The following PIGH variants were observed in gnomAD, a reference collection of about 807,000 sequenced individuals.
The protein encoded by PIGH is phosphatidylinositol glycan anchor biosynthesis class H.
Under a neutral mutation model 20.1 loss-of-function variants are expected in PIGH, and 11 were observed. That is an observed-to-expected ratio of 0.55 (90% CI 0.34 to 0.91). The LOEUF (loss-of-function observed/expected upper bound fraction) is 0.91, where lower values mean the gene tolerates loss of function less well. Ranked by LOEUF, PIGH falls within the 40% of genes least tolerant of loss-of-function variation. The pLI is 0.02. For missense variants in PIGH, 189 were observed against 233.6 expected (o/e 0.81, Z 1.24); for synonymous variants, 72 against 93.1 (o/e 0.77, Z 1.31).
intron 1 of PIGH, among the ~76,000 whole-genome samples, chr14:67,598,826 G>C (rs8006614): frequency 0.79 from 118,887 of 151,140 alleles, 46,906 homozygotes; most frequent in Middle Eastern, 0.84. Context: ...TCTCCCGCCT[G>C]AGCCTTCCGA....
At chr14:67,595,180 G>GCCTA (rs2036450700) in intron 1 of PIGH, among the ~76,000 whole-genome samples, 1 of 152,112 alleles carries the variant, frequency 6.6e-6, no homozygotes, top group African/African-American at 2.4e-5. Flanking sequence ...ACTTACATTA[G>GCCTA]CCTACAGTTG....
At chr14:67,590,671 C>T (rs1408782634) in intron 3 of PIGH, among the ~76,000 whole-genome samples, 1 of 152,154 alleles carries the variant, frequency 6.6e-6, no homozygotes, top group Non-Finnish European at 1.5e-5. Flanking sequence ...CATGCAACTT[C>T]AATCTCTCAC....
chr14:67,592,653 T>C lies in PIGH; in HGVS notation c.456A>G (p.Gln152=). 6.3e-7 allele frequency: 1 copy of C among 1,597,642 alleles called. No individual in the cohort carries two copies. The highest frequency in any genetic ancestry group is 8.6e-7 in the Non-Finnish European group (1 of 1,166,466). ...TGCTCACCTGGAAGACGGGTACTAC[T>C]TGGGATATCCCATGTGGTTCCACTG... ...KDPVEPHGIS[Q]VVPVFQSAKP... The change falls in exon 3 of 4, where the codon CAA becomes CAG. Residue 152 remains glutamine, a synonymous_variant. Coordinates refer to ENST00000216452, the MANE Select transcript of PIGH (RefSeq NM_004569.5).
chr14:67,589,881 T>C lies in PIGH; in HGVS notation c.*199A>G. ...TCCTTTGGTAAAGTAGGCAAAACCTTACAAGGAAAACACTATAATACACGG... is the reference window on the plus strand; with the variant it reads ...TCCTTTGGTAAAGTAGGCAAAACCTCACAAGGAAAACACTATAATACACGG... On this transcript the variant is annotated 3_prime_UTR_variant, in exon 4 of 4. Transcript: ENST00000216452. The C allele has an allele frequency of 8.1e-7, 1 of 1,228,228 alleles. No individual in the cohort carries two copies. The highest frequency in any genetic ancestry group is 3.2e-5 in the East Asian group (1 of 30,952). The allele number at this position is 1,228,228 out of a possible 1,614,324, so 76.1% of individuals were successfully genotyped here.
chr14:67,594,659 A>G (rs1045412357), intron 1 of PIGH, among the ~76,000 whole-genome samples: 2 of 151,836 alleles, frequency 1.3e-5, no homozygotes, highest in East Asian at 3.9e-4. Flanking sequence ...AAAAAAAAAA[A>G]GGACCCCAAA....
At chr14:67,591,457 G>A (rs961162523) in intron 3 of PIGH, among the ~76,000 whole-genome samples, 2 of 152,222 alleles carry the variant, frequency 1.3e-5, no homozygotes, top group African/African-American at 2.4e-5. Context: ...AAAGGTCAGT[G>A]AGGCAGGGTT....
intron 2 of PIGH, 114 bp downstream of exon 2, chr14:67,593,629 T>C (rs2036417187): frequency 9.4e-6 from 6 of 637,942 alleles, no homozygotes; most frequent in Non-Finnish European, 1.7e-5. Flanking sequence ...ATAAAGAGAT[T>C]TACCTTTTAA....
At position 67,593,611 on chromosome 14, in the gene PIGH, C is replaced by A. The variant is rs183495739; in HGVS notation, c.390+132G>T. On this transcript the variant is annotated intron_variant, in intron 2 of 3. Transcript: ENST00000216452. Reference sequence around the variant, plus strand: ...CTATCCATGAAAACCTGCTGCATCTCTTTAAAAATAAAGAGATTTACCTTT... The same window carrying A: ...CTATCCATGAAAACCTGCTGCATCTATTTAAAAATAAAGAGATTTACCTTT... 7 of 607,364 alleles carry A rather than the reference C, an allele frequency of 1.2e-5. No individual in the cohort carries two copies. The African/African-American group carries it at 1.3e-4, about 11-fold the overall frequency. The allele number at this position is 607,364 out of a possible 1,614,324, so 37.6% of individuals were successfully genotyped here. A position where few individuals can be genotyped will look rare whatever the true frequency, so the allele number is the denominator to read the frequency against.
intron 1 of PIGH, among the ~76,000 whole-genome samples, chr14:67,596,986 C>T (rs1244356120): frequency 6.6e-6 from 1 of 152,198 alleles, no homozygotes; most frequent in Non-Finnish European, 1.5e-5. Context: ...CTTTGATGGT[C>T]TCTTTCTACT....
intron 1 of PIGH, among the ~76,000 whole-genome samples, chr14:67,594,800 T>C (rs1481771220): frequency 1.3e-5 from 2 of 152,104 alleles, no homozygotes; most frequent in African/African-American, 2.4e-5. Flanking sequence ...AAAAATGCAT[T>C]TAATATACCT....
At position 67,589,455 on chromosome 14, in the gene PIGH, A is replaced by G. The variant is rs545296529; in HGVS notation, c.*625T>C. On this transcript the variant is annotated 3_prime_UTR_variant, in exon 4 of 4. Coordinates refer to ENST00000216452, the MANE Select transcript of PIGH (RefSeq NM_004569.5). ...ATAAAAAAAAATGCTGAGTAACAGA[A>G]AAGTATTAATGTGCTTGACACCATG... The G allele has an allele frequency of 4.1e-6, 4 of 985,422 alleles. No homozygotes were observed. In the East Asian group the frequency reaches 4.5e-4, roughly 112 times the overall value. The allele number at this position is 985,422 out of a possible 1,614,324, so 61.0% of individuals were successfully genotyped here. A position where few individuals can be genotyped will look rare whatever the true frequency, so the allele number is the denominator to read the frequency against.
chr14:67,592,772 T>C (rs1353388088), intron 2 of PIGH, 54 bp from the exon 3 acceptor site: 25 of 1,070,358 alleles, frequency 2.3e-5, no homozygotes, highest in Non-Finnish European at 3.1e-5. Flanking sequence ...TTTTGCATTC[T>C]TTTTTTCTTT....
Position 67,600,170 on chromosome 14 carries a change from C to T in PIGH, c.34G>A (p.Gly12Ser). The change falls in exon 1 of 4, where the codon GGC (glycine) becomes AGC (serine). Residue 12 changes from glycine to serine, a missense_variant. Physicochemically the swap from Gly to Ser is moderately conservative, Grantham distance 56. Coordinates refer to ENST00000216452, the MANE Select transcript of PIGH (RefSeq NM_004569.5). Reference protein sequence around the residue: ...EDERSFSDICGGRLALQRRYY... With the variant: ...EDERSFSDICSGRLALQRRYY... ...CGGCGCTGCAGCGCCAGGCGGCCGC[C>T]GCAGATATCCGAAAAGCTCCGCTCA... 6.3e-7 allele frequency: 1 copy of T among 1,589,442 alleles called. No individual in the cohort carries two copies. The highest frequency in any genetic ancestry group is 1.1e-5 in the South Asian group (1 of 88,034).
At chr14:67,590,215 T>TA (rs1446980285) in intron 3 of PIGH, 43 bp from the exon 4 acceptor site, 2 of 1,504,498 alleles carry the variant, frequency 1.3e-6, no homozygotes, top group African/African-American at 2.8e-5. Flanking sequence ...GGTGAGAATA[T>TA]AAGGGAGTGC....
chr14:67,594,465 G>A (rs1442199560), intron 1 of PIGH, among the ~76,000 whole-genome samples: 1 of 151,838 alleles, frequency 6.6e-6, no homozygotes, highest in Non-Finnish European at 1.5e-5. Flanking sequence ...TGGCCAACAT[G>A]GTGAAACCCC....
intron 2 of PIGH, 158 bp from the exon 3 acceptor site, chr14:67,592,876 C>T (rs538578455): frequency 2.7e-5 from 14 of 522,436 alleles, no homozygotes; most frequent in Admixed American, 1.3e-4. Flanking sequence ...ACCTCTACCT[C>T]CCAGGTTCAA....
In PIGH at chr14:67,597,539, A is replaced by G. The variant is rs1206448082; in HGVS notation, c.180+2485T>C. On this transcript the variant is annotated intron_variant, in intron 1 of 3. Transcript: ENST00000216452. ...AGTTTGCTTATCTCTGTGCTAGATA[A>G]TTATTTGTTGATTGATGAATGGAGG... Among the ~76,000 whole-genome samples, 8 of 152,182 alleles carry G rather than the reference A, an allele frequency of 5.3e-5. 1 individual carries two copies.
In PIGH at chr14:67,589,913, A is replaced by T. The variant is rs2036317418; in HGVS notation, c.*167T>A. The T allele has an allele frequency of 7.7e-7, 1 of 1,292,494 alleles. No individual in the cohort carries two copies. Among genetic ancestry groups the T allele is most frequent in the Non-Finnish European group, 9.8e-7 (1 of 1,019,848 alleles). The allele number at this position is 1,292,494 out of a possible 1,614,324, so 80.1% of individuals were successfully genotyped here. A position where few individuals can be genotyped will look rare whatever the true frequency, so the allele number is the denominator to read the frequency against. On this transcript the variant is annotated 3_prime_UTR_variant, in exon 4 of 4. Transcript: ENST00000216452. ...AAAACACTATAATACACGGAAATAT[A>T]CTGAGTTAGATTTCCAGTCACCTGC...
intron 1 of PIGH, among the ~76,000 whole-genome samples, 198 bp from the exon 2 acceptor site, chr14:67,594,150 A>G (rs945817786): frequency 5.9e-5 from 9 of 152,340 alleles, no homozygotes; most frequent in Admixed American, 2.0e-4. Context: ...AATGTCCATC[A>G]CAGCAATCTC....
Sources: allele counts gnomAD v4.1 joint callset (sites outside exome capture counted in the v4.1 genomes callset), GRCh38; gene constraint gnomAD v4.1.1; transcripts MANE v1.5; gene names NCBI Gene and HGNC (gene_info 2026-07-23, HGNC 2026-07-21).